The following KCTD3 variants were observed in gnomAD, a reference collection of about 807,000 sequenced individuals.
KCTD3 encodes potassium channel tetramerization domain containing 3.
Under a neutral mutation model 85.8 loss-of-function variants are expected in KCTD3, and 41 were observed. The ratio of observed to expected loss-of-function variants is 0.48; its 90% confidence interval spans 0.37 to 0.62. The LOEUF (loss-of-function observed/expected upper bound fraction) is 0.62. Ranked by LOEUF, KCTD3 falls within the 20% of genes least tolerant of loss-of-function variation. The pLI, the probability that KCTD3 is intolerant of heterozygous loss-of-function variation, is 0.00. For missense variants in KCTD3, 724 were observed against 989.9 expected, an observed-to-expected ratio of 0.73 and a Z score of 3.60; for synonymous variants, 338 against 345.4, an observed-to-expected ratio of 0.98 and a Z score of 0.24.
intron 15 of KCTD3, among the ~76,000 whole-genome samples, chr1:215,616,732 C>A (rs1394145029): frequency 1.3e-5 from 2 of 152,160 alleles, no homozygotes; most frequent in Non-Finnish European, 1.5e-5. Flanking sequence ...TGCACTCCAG[C>A]CTGGGCAACA....
intron 15 of KCTD3, among the ~76,000 whole-genome samples, chr1:215,616,444 C>G (rs921992089): frequency 6.6e-6 from 1 of 151,970 alleles, no homozygotes; most frequent in African/African-American, 2.4e-5. Context: ...ATAATTCTTT[C>G]AAACTTTATA....
intron 8 of KCTD3, among the ~76,000 whole-genome samples, chr1:215,584,256 A>T (rs915957828): frequency 6.6e-6 from 1 of 152,212 alleles, no homozygotes; most frequent in African/African-American, 2.4e-5. Context: ...AAAGCATACC[A>T]TAGTTTTTGA....
In KCTD3 at chr1:215,588,140, A is replaced by G. The variant is rs565321708; in HGVS notation, c.817+1455A>G. Among the ~76,000 whole-genome samples the G allele has an allele frequency of 3.2e-4, 48 of 152,278 alleles. 1 individual carries two copies. The South Asian group carries it at 9.5e-3, about 30-fold the overall frequency. On this transcript the variant is annotated intron_variant, in intron 9 of 17. Transcript: ENST00000259154. ...CTTACTTTGTTTATTTTTTGAGGAT[A>G]GTTCTGCCAAACACCCAATTCTGAA... is the stretch of plus-strand genomic sequence containing the variant.
intron 8 of KCTD3, among the ~76,000 whole-genome samples, chr1:215,580,568 ATT>A (rs569527105): frequency 7.4e-6 from 1 of 135,282 alleles, no homozygotes. Context: ...TAGACCGGTG[ATT>A]TTTTTTTTTT....
At chr1:215,610,259 G>C (rs1016292751) in intron 14 of KCTD3, among the ~76,000 whole-genome samples, 1 of 151,806 alleles carries the variant, frequency 6.6e-6, no homozygotes. Context: ...TAGTTGGAAG[G>C]CAGGGAAGTT....
At chr1:215,585,058 T>C (rs750005490) in intron 8 of KCTD3, among the ~76,000 whole-genome samples, 2 of 152,136 alleles carry the variant, frequency 1.3e-5, no homozygotes, top group African/African-American at 4.8e-5. Context: ...CCCAGGAAGA[T>C]GTTACTGGAA....
chr1:215,581,091 C>G (rs779997073), intron 8 of KCTD3: 16 of 340,500 alleles, frequency 4.7e-5, no homozygotes, highest in South Asian at 3.5e-4. Flanking sequence ...ACTGAAGATA[C>G]AAAAATTAGC....
At chr1:215,590,766 G>C (rs187538197) in intron 9 of KCTD3, among the ~76,000 whole-genome samples, 1 of 152,042 alleles carries the variant, frequency 6.6e-6, no homozygotes, top group South Asian at 2.1e-4. Flanking sequence ...ATTTGTTAAA[G>C]TATTTGTCTG....
chr1:215,580,014 A>G lies in KCTD3; in HGVS notation c.626+15A>G. On this transcript the variant is annotated intron_variant, in intron 8 of 17. Coordinates refer to ENST00000259154, the MANE Select transcript of KCTD3 (RefSeq NM_016121.5). ...GTGTGTTACAGGTAGTGTATAATTA[A>G]TAATGCTTTGCTTTTACAGGTGGCA... The G allele has an allele frequency of 6.7e-7, 1 of 1,482,868 alleles. No individual in the cohort carries two copies. The allele number at this position is 1,482,868 out of a possible 1,614,324, so 91.9% of individuals were successfully genotyped here.
chr1:215,613,423 C>T (rs1655306078), intron 15 of KCTD3, among the ~76,000 whole-genome samples: 1 of 152,146 alleles, frequency 6.6e-6, no homozygotes, highest in Non-Finnish European at 1.5e-5. Context: ...GCTTAGTTTG[C>T]AGATATTTTC....
At chr1:215,580,676 G>A (rs1457631722) in intron 8 of KCTD3, among the ~76,000 whole-genome samples, 1 of 151,862 alleles carries the variant, frequency 6.6e-6, no homozygotes, top group Non-Finnish European at 1.5e-5. Context: ...AAAGTGGTTG[G>A]AATATACTAG....
rs1370292518 is a variant in KCTD3 at position 215,621,409 on chromosome 1, C to T, written c.*791C>T. ...TTGCTAACCTGTCTTGTTTCAGGAG[C>T]CACCATGTTTTTTTTTCAGTGTTAA... On this transcript the variant is annotated 3_prime_UTR_variant, in exon 18 of 18. Transcript: ENST00000259154. The T allele has an allele frequency of 1.3e-5, 2 of 151,942 alleles. No homozygotes were observed. Among genetic ancestry groups the T allele is most frequent in the African/African-American group, 4.8e-5 (2 of 41,380 alleles). The allele number at this position is 151,942 out of a possible 1,614,324, so 9.4% of individuals were successfully genotyped here. A position where few individuals can be genotyped will look rare whatever the true frequency, so the allele number is the denominator to read the frequency against.
chr1:215,608,733 T>C (rs550030450), intron 14 of KCTD3, among the ~76,000 whole-genome samples: 3 of 152,058 alleles, frequency 2.0e-5, no homozygotes, highest in Non-Finnish European at 2.9e-5. Context: ...CATACACATA[T>C]ACAGTCTTCA....
At position 215,586,677 on chromosome 1, in the gene KCTD3, G is replaced by A; in HGVS notation, c.809G>A (p.Ser270Asn). 6.2e-7 allele frequency: 1 copy of A among 1,606,820 alleles called. No homozygotes were observed. The highest frequency in any genetic ancestry group is 8.5e-7 in the Non-Finnish European group (1 of 1,175,828). Reference sequence around the variant, plus strand: ...AGTGTTCAGGATGGGGGAAGTGGAAGTGAAATTGGTAGGAAGAATCTTGTT... The same window carrying A: ...AGTGTTCAGGATGGGGGAAGTGGAAATGAAATTGGTAGGAAGAATCTTGTT... ...LWSVQDGGSGSEIGVFSLGVP... is the reference protein window; with the variant it reads ...LWSVQDGGSGNEIGVFSLGVP... The change falls in exon 9 of 18, where the codon AGT becomes AAT. Residue 270 changes from serine (S) to asparagine (N), a missense_variant. By Grantham distance (46) the Ser-to-Asn change is conservative. This residue lies in a region of KCTD3 where 146 missense variants were observed against 320.3 expected (regional missense o/e 0.46). Transcript: ENST00000259154.
At chr1:215,603,090 G>A (rs924519653) in intron 12 of KCTD3, among the ~76,000 whole-genome samples, 4 of 152,064 alleles carry the variant, frequency 2.6e-5, no homozygotes, top group Non-Finnish European at 4.4e-5. Flanking sequence ...AGTTTAAAAT[G>A]TTTACTACTT....
At chr1:215,591,818 T>A (rs935882283) in intron 9 of KCTD3, among the ~76,000 whole-genome samples, 19 of 152,198 alleles carry the variant, frequency 1.2e-4, no homozygotes, top group African/African-American at 4.6e-4. Flanking sequence ...CTTCGCCTCC[T>A]CAGTTCAGGG....
At chr1:215,588,899 A>G (rs1430589172) in intron 9 of KCTD3, among the ~76,000 whole-genome samples, 2 of 152,168 alleles carry the variant, frequency 1.3e-5, no homozygotes, top group African/African-American at 4.8e-5. Flanking sequence ...AAAAGTTACC[A>G]TGTTATTTCT....
intron 3 of KCTD3, among the ~76,000 whole-genome samples, 200 bp downstream of exon 3, chr1:215,574,318 T>G (rs1659487611): frequency 6.6e-6 from 1 of 152,164 alleles, no homozygotes; most frequent in East Asian, 1.9e-4. Context: ...ATATGGCAAT[T>G]TAAGTATTCA....
chr1:215,578,142 T>C (rs996772161), intron 6 of KCTD3, 61 bp downstream of exon 6: 18 of 1,372,970 alleles, frequency 1.3e-5, no homozygotes, highest in Admixed American at 7.3e-5. Flanking sequence ...AGTACAAGCA[T>C]ATGAATAGGA....
Sources: allele counts gnomAD v4.1 joint callset (sites outside exome capture counted in the v4.1 genomes callset), GRCh38; gene constraint gnomAD v4.1.1; regional missense constraint gnomAD v4.1.1; transcripts MANE v1.5; gene names NCBI Gene and HGNC (gene_info 2026-07-23, HGNC 2026-07-21).